Variants in STIM1 observed in about 807,000 individuals in gnomAD.
STIM1 encodes stromal interaction molecule 1.
Under a neutral mutation model 74.7 loss-of-function variants are expected in STIM1, and 25 were observed. That is an observed-to-expected ratio of 0.33 (90% CI 0.24 to 0.47). The LOEUF is 0.47. STIM1 is among the 20% of genes least tolerant of loss of function. The probability of loss-of-function intolerance (pLI) is 1.00; values close to 1 mark genes in which losing one functional copy is unlikely to be tolerated. For missense variants in STIM1, 728 were observed against 920.8 expected, an observed-to-expected ratio of 0.79 and a Z score of 2.71; for synonymous variants, 328 against 348.8, an observed-to-expected ratio of 0.94 and a Z score of 0.66.
intron 2 of STIM1, among the ~76,000 whole-genome samples, chr11:4,022,482 C>T (rs1407579748): frequency 2.0e-5 from 3 of 151,882 alleles, no homozygotes; most frequent in South Asian, 4.2e-4. Context: ...TGCCTAATTG[C>T]TCTGGCTAGG....
chr11:4,074,054 G>A (rs1289424009), intron 6 of STIM1, among the ~76,000 whole-genome samples: 1 of 152,098 alleles, frequency 6.6e-6, no homozygotes, highest in Non-Finnish European at 1.5e-5. Flanking sequence ...CTACATAAGA[G>A]GAATAATTGT....
At chr11:4,018,265 A>T (rs2093918353) in intron 2 of STIM1, among the ~76,000 whole-genome samples, 1 of 150,792 alleles carries the variant, frequency 6.6e-6, no homozygotes, top group South Asian at 2.1e-4. Context: ...CTGGCTAACA[A>T]GGTGAAACCC....
intron 2 of STIM1, chr11:3,989,012 A>G: frequency 1.2e-6 from 1 of 841,306 alleles, no homozygotes; most frequent in Non-Finnish European, 1.8e-6. Context: ...CACTTAAAAG[A>G]TGGGATGAGG....
chr11:3,979,087 T>C (rs982214984), intron 2 of STIM1, among the ~76,000 whole-genome samples: 8 of 152,166 alleles, frequency 5.3e-5, no homozygotes, highest in Non-Finnish European at 5.9e-5. Flanking sequence ...TTATAGGTAG[T>C]AGTATATAGG....
chr11:3,859,838 C>T (rs4486622), intron 1 of STIM1, among the ~76,000 whole-genome samples: 11,428 of 152,294 alleles, frequency 0.075, 568 homozygotes, highest in Non-Finnish European at 0.12. Flanking sequence ...GGGAGAGGGA[C>T]ACACTAAGCC....
intron 1 of STIM1, among the ~76,000 whole-genome samples, chr11:3,880,695 C>G (rs1375858529): frequency 2.6e-5 from 4 of 152,158 alleles, no homozygotes; most frequent in African/African-American, 9.7e-5. Flanking sequence ...TTCAGACCAT[C>G]GTGCGATGGT....
At chr11:4,070,310 A>G in intron 6 of STIM1, 107 bp downstream of exon 6, 1 of 1,288,824 alleles carries the variant, frequency 7.8e-7, no homozygotes, top group South Asian at 1.2e-5. Flanking sequence ...TCAGCATGGC[A>G]GCCCAGGCTG....
Position 4,059,392 on chromosome 11 carries a change from T to G in STIM1, c.609T>G (p.Pro203=), listed in dbSNP as rs1276994058. ...TGGATACAGTGCTCTTTGGGCCTCC[T>G]CTCTGTGAGTCTTGTGTTGAGAAGG... The part of the protein sequence containing the change: ...KALDTVLFGP[P]LLTRHNHLKD... Residue 203 remains proline (P), a synonymous_variant, in exon 5 of 13, where the codon CCT becomes CCG. Coordinates refer to ENST00000526596, the MANE Select transcript of STIM1 (RefSeq NM_001382567.1). 1 of 1,613,632 alleles carries G rather than the reference T, an allele frequency of 6.2e-7. No homozygotes were observed. Among genetic ancestry groups the G allele is most frequent in the Non-Finnish European group, 8.5e-7 (1 of 1,179,630 alleles).
chr11:3,987,606 A>C (rs745506167), intron 2 of STIM1, among the ~76,000 whole-genome samples: 1 of 152,190 alleles, frequency 6.6e-6, no homozygotes, highest in South Asian at 2.1e-4. Flanking sequence ...AGATGCTTTC[A>C]ATATGTCTGA....
At chr11:4,062,372 C>G (rs2094336931) in intron 5 of STIM1, among the ~76,000 whole-genome samples, 1 of 152,184 alleles carries the variant, frequency 6.6e-6, no homozygotes, top group Non-Finnish European at 1.5e-5. Flanking sequence ...GTAATCCCAG[C>G]ACTTTGGGAG....
chr11:3,911,897 A>T (rs2135482401), intron 1 of STIM1, among the ~76,000 whole-genome samples: 1 of 152,278 alleles, frequency 6.6e-6, no homozygotes, highest in South Asian at 2.1e-4. Flanking sequence ...AGACAGAAAC[A>T]CTGCTTTGCT....
chr11:4,081,704 C>T (rs1022669108), intron 7 of STIM1, among the ~76,000 whole-genome samples: 4 of 152,156 alleles, frequency 2.6e-5, no homozygotes, highest in African/African-American at 9.7e-5. Flanking sequence ...AATTAAGAGC[C>T]GGTTTAGGAA....
intron 2 of STIM1, among the ~76,000 whole-genome samples, chr11:3,986,261 A>C (rs770667938): frequency 6.6e-6 from 1 of 152,224 alleles, no homozygotes; most frequent in Non-Finnish European, 1.5e-5. Flanking sequence ...GGATGATAGG[A>C]AACACTATCC....
chr11:3,882,326 C>T (rs1249568952), intron 1 of STIM1, among the ~76,000 whole-genome samples: 5 of 150,558 alleles, frequency 3.3e-5, no homozygotes, highest in South Asian at 4.2e-4. Flanking sequence ...CTTGAACTCC[C>T]GACCTCAGGT....
At chr11:4,060,555 T>A (rs961274702) in intron 5 of STIM1, among the ~76,000 whole-genome samples, 1 of 151,942 alleles carries the variant, frequency 6.6e-6, no homozygotes, top group Non-Finnish European at 1.5e-5. Context: ...GAGTGGAGGG[T>A]TCTAGGACAC....
At position 4,023,921 on chromosome 11, in the gene STIM1, A is replaced by G; in HGVS notation, c.319A>G (p.Thr107Ala). Residue 107 changes from threonine to alanine, a missense_variant, in exon 3 of 13, where the codon ACC (threonine) becomes GCC (alanine). Around this residue, in one of 5 missense-constraint regions of STIM1, gnomAD observed 51 missense variants for 101.1 expected, o/e 0.50. Coordinates refer to ENST00000526596, the MANE Select transcript of STIM1 (RefSeq NM_001382567.1). ...CCATGACCCAACAGTGAAACACAGC[A>G]CCTTCCATGGTGAGGATAAGCTCAT... ...NYHDPTVKHS[T>A]FHGEDKLISV... 1.9e-6 allele frequency: 3 copies of G among 1,614,052 alleles called. No homozygotes were observed. The highest frequency in any genetic ancestry group is 2.5e-6 in the Non-Finnish European group (3 of 1,179,968).
At chr11:4,015,160 T>G (rs2093883400) in intron 2 of STIM1, among the ~76,000 whole-genome samples, 2 of 152,100 alleles carry the variant, frequency 1.3e-5, no homozygotes, top group Non-Finnish European at 2.9e-5. Context: ...GTCTTTACAA[T>G]TTGGCATATT....
intron 12 of STIM1, among the ~76,000 whole-genome samples, chr11:4,090,349 C>G (rs1273437285): frequency 1.6e-4 from 25 of 152,312 alleles, no homozygotes; most frequent in South Asian, 8.3e-4. Flanking sequence ...AACCACTGCT[C>G]TTTAAAGGCC....
At chr11:3,927,524 C>T (rs1427792272) in intron 1 of STIM1, among the ~76,000 whole-genome samples, 1 of 152,212 alleles carries the variant, frequency 6.6e-6, no homozygotes, top group African/African-American at 2.4e-5. Flanking sequence ...TTACTTGTAA[C>T]CTTTTTCGCA....
Sources: allele counts gnomAD v4.1 joint callset (sites outside exome capture counted in the v4.1 genomes callset), GRCh38; gene constraint gnomAD v4.1.1; regional missense constraint gnomAD v4.1.1; transcripts MANE v1.5; gene names NCBI Gene and HGNC (gene_info 2026-07-23, HGNC 2026-07-21).